The following FYB2 variants were observed in gnomAD, a reference collection of about 807,000 sequenced individuals.
The protein encoded by FYB2 is FYN-binding protein 2.
In FYB2, 103 loss-of-function variants were observed where a neutral mutation model predicts 94.1. That is an observed-to-expected ratio of 1.09 (90% confidence interval 0.93 to 1.29). The LOEUF is 1.29. Ranked by LOEUF, FYB2 falls within the 50% of genes most tolerant of loss-of-function variation. The pLI is 0.00. For missense variants in FYB2, 896 were observed against 841.5 expected, an observed-to-expected ratio of 1.06 and a Z score of -0.80; for synonymous variants, 293 against 287.9, an observed-to-expected ratio of 1.02 and a Z score of -0.18.
chr1:56,801,908 C>CTCTTTA (rs1443490929), intron 1 of FYB2, among the ~76,000 whole-genome samples: 1 of 152,224 alleles, frequency 6.6e-6, no homozygotes, highest in Non-Finnish European at 1.5e-5. Context: ...ATTCTTCCTA[C>CTCTTTA]TCTTTATTTG....
rs796715624 is a variant in FYB2 at position 56,775,956 on chromosome 1, C to A, written c.954-8018G>T. 3.9e-5 allele frequency among the ~76,000 whole-genome samples: 6 copies of A among 152,312 alleles called. 1 individual carries two copies. Among genetic ancestry groups the A allele is most frequent in the African/African-American group, 1.4e-4 (6 of 41,554 alleles). On this transcript the variant is annotated intron_variant, in intron 4 of 19. Coordinates refer to ENST00000343433, the MANE Select transcript of FYB2 (RefSeq NM_001004303.5). ...CATGTTAATTTTATATGCATTATCT[C>A]ACATAATCCTCTCAGTAGCAGTATG...
chr1:56,756,004 G>A (rs1227055620), intron 6 of FYB2, 77 bp from the exon 7 acceptor site: 4 of 1,396,908 alleles, frequency 2.9e-6, no homozygotes, highest in Non-Finnish European at 4.0e-6. Context: ...CAGATCATTA[G>A]AGACTACACC....
At chr1:56,778,904 A>G (rs1283730158) in intron 4 of FYB2, among the ~76,000 whole-genome samples, 1 of 152,176 alleles carries the variant, frequency 6.6e-6, no homozygotes, top group East Asian at 1.9e-4. Context: ...TGGCGGGCAC[A>G]TAGTTGGAGT....
rs144050391 is a variant in FYB2 at position 56,771,438 on chromosome 1, C to A, written c.954-3500G>T. Among the ~76,000 whole-genome samples the A allele has an allele frequency of 2.0e-3, 309 of 152,144 alleles. 5 individuals carry two copies. In the South Asian group the frequency reaches 0.039, roughly 19 times the overall value. On this transcript the variant is annotated intron_variant, in intron 4 of 19. Transcript: ENST00000343433. ...CAGATACATGAGTTTATAGCTCAAA[C>A]GTAAGAACATACTAAATGGATACAC...
intron 17 of FYB2, among the ~76,000 whole-genome samples, chr1:56,723,029 G>A (rs1644515494): frequency 2.0e-5 from 3 of 151,992 alleles, no homozygotes; most frequent in African/African-American, 7.2e-5. Context: ...AAGGCAGAGA[G>A]CTTCGGATGC....
chr1:56,805,490 G>C (rs1169501118), intron 1 of FYB2, among the ~76,000 whole-genome samples: 1 of 152,112 alleles, frequency 6.6e-6, no homozygotes, highest in Non-Finnish European at 1.5e-5. Context: ...CTTACAACTG[G>C]CTTCTGAGCT....
chr1:56,725,517 TA>T, intron 16 of FYB2, among the ~76,000 whole-genome samples: 2 of 152,196 alleles, frequency 1.3e-5, no homozygotes, highest in South Asian at 2.1e-4. Context: ...ATCAACATAC[TA>T]AAAAGCTTTT....
At chr1:56,825,901 A>C in the FYB2 span, among the ~76,000 whole-genome samples, 1 of 152,188 alleles carries the variant, frequency 6.6e-6, no homozygotes, top group African/African-American at 2.4e-5. Context: ...TGACCCCCAA[A>C]CCTGCTCCAA....
chr1:56,805,295 T>C (rs1646618816), intron 1 of FYB2, among the ~76,000 whole-genome samples: 1 of 152,208 alleles, frequency 6.6e-6, no homozygotes, highest in South Asian at 2.1e-4. Flanking sequence ...ACGTGTCCTT[T>C]TGAATTAAAC....
At chr1:56,748,201 G>C (rs1024436061) in intron 9 of FYB2, among the ~76,000 whole-genome samples, 3 of 152,064 alleles carry the variant, frequency 2.0e-5, no homozygotes, top group Non-Finnish European at 4.4e-5. Flanking sequence ...AAGGTTGCCT[G>C]TTCACTCTGA....
At chr1:56,805,452 C>T (rs1180525357) in intron 1 of FYB2, among the ~76,000 whole-genome samples, 40 of 152,132 alleles carry the variant, frequency 2.6e-4, no homozygotes, top group Non-Finnish European at 4.4e-5. Flanking sequence ...TGTATGTTGT[C>T]GTGTATGTTG....
chr1:56,798,566 T>C (rs940848684), intron 1 of FYB2, among the ~76,000 whole-genome samples: 7 of 152,184 alleles, frequency 4.6e-5, no homozygotes, highest in African/African-American at 1.2e-4. Context: ...TTTAGATGAA[T>C]GTATTTCATC....
At chr1:56,775,611 A>G (rs559715967) in intron 4 of FYB2, among the ~76,000 whole-genome samples, 88 of 152,348 alleles carry the variant, frequency 5.8e-4, no homozygotes, top group African/African-American at 2.0e-3. Flanking sequence ...CAGAGTAGTT[A>G]GCAGCAGAGA....
chr1:56,773,237 C>G (rs186440409), intron 4 of FYB2, among the ~76,000 whole-genome samples: 15 of 152,280 alleles, frequency 9.9e-5, no homozygotes, highest in African/African-American at 3.4e-4. Context: ...ATGTCTACCT[C>G]TGGTCCACAG....
chr1:56,820,410 C>A (rs1408593009), upstream of FYB2, among the ~76,000 whole-genome samples: 1 of 152,168 alleles, frequency 6.6e-6, no homozygotes, highest in Non-Finnish European at 1.5e-5. Flanking sequence ...AGATGGAAAC[C>A]CAAACCTCAG....
intron 2 of FYB2, among the ~76,000 whole-genome samples, chr1:56,791,549 G>A (rs1004905339): frequency 1.3e-5 from 2 of 152,136 alleles, no homozygotes; most frequent in Admixed American, 6.5e-5. Flanking sequence ...TGCCCAGCCA[G>A]TCCTTATCCT....
intron 15 of FYB2, among the ~76,000 whole-genome samples, chr1:56,734,952 A>G (rs898189415): frequency 1.3e-5 from 2 of 152,264 alleles, no homozygotes; most frequent in Non-Finnish European, 1.5e-5. Context: ...AAAAGGACAA[A>G]AAAAAAATCA....
chr1:56,778,105 G>T (rs1342030853), intron 4 of FYB2, among the ~76,000 whole-genome samples: 1 of 152,040 alleles, frequency 6.6e-6, no homozygotes, highest in Non-Finnish European at 1.5e-5. Context: ...AGGATGCAGT[G>T]CTCTCTACTA....
intron 1 of FYB2, among the ~76,000 whole-genome samples, chr1:56,793,519 A>G (rs1255635189): frequency 1.3e-5 from 2 of 152,286 alleles, no homozygotes; most frequent in East Asian, 3.9e-4. Context: ...AGTAGGAGCT[A>G]AACACTGAGT....
Sources: gnomAD v4.1 joint callset for allele counts (sites outside exome capture counted in the v4.1 genomes callset) on GRCh38, gnomAD v4.1.1 for gene constraint, MANE v1.5 for transcripts, NCBI Gene and HGNC (gene_info 2026-07-23, HGNC 2026-07-21) for gene names.